Variants in ABCB1 observed in about 807,000 individuals in gnomAD.
The protein encoded by ABCB1 is ATP binding cassette subfamily B member 1.
In ABCB1, 69 loss-of-function variants were observed where a neutral mutation model predicts 142.0. That is an observed-to-expected ratio of 0.49 (90% CI 0.40 to 0.59). The LOEUF is 0.59. Ranked by LOEUF, ABCB1 falls within the 20% of genes least tolerant of loss-of-function variation. ABCB1 has a pLI of 0.00. For missense variants in ABCB1, 1,326 were observed against 1,554.7 expected (o/e 0.85, Z 2.47); for synonymous variants, 532 against 539.2 (o/e 0.99, Z 0.18).
chr7:87,654,360 G>C (rs1823873728), intron 1 of ABCB1, among the ~76,000 whole-genome samples: 2 of 151,898 alleles, frequency 1.3e-5, no homozygotes, highest in East Asian at 3.9e-4. Context: ...GTTAAAACAG[G>C]ATGTTACCAG....
intron 8 of ABCB1, among the ~76,000 whole-genome samples, chr7:87,559,442 T>C (rs1046788586): frequency 1.3e-5 from 2 of 152,074 alleles, no homozygotes; most frequent in African/African-American, 4.8e-5. Context: ...TCTTTTTTTG[T>C]TCCTGATTAA....
chr7:87,627,181 C>T (rs749139814), intron 1 of ABCB1, among the ~76,000 whole-genome samples: 4 of 152,028 alleles, frequency 2.6e-5, no homozygotes, highest in Non-Finnish European at 5.9e-5. Flanking sequence ...ACTTTAAAAA[C>T]CTCAGAAATT....
At chr7:87,514,777 G>T (rs1294545335) in intron 25 of ABCB1, among the ~76,000 whole-genome samples, 6 of 152,120 alleles carry the variant, frequency 3.9e-5, no homozygotes, top group Non-Finnish European at 8.8e-5. Flanking sequence ...TAAAATGTCA[G>T]AAATAGCCCA....
intron 1 of ABCB1, among the ~76,000 whole-genome samples, chr7:87,680,328 A>G (rs1330116539): frequency 6.6e-6 from 1 of 150,814 alleles, no homozygotes; most frequent in South Asian, 2.1e-4. Flanking sequence ...CTTGGATCAA[A>G]GAGGGATTCT....
Position 87,566,810 on chromosome 7 carries a change from C to T in ABCB1, c.505G>A (p.Gly169Arg). ...TCTGTAAGTCGGGTGTTAAGCTCCC[C>T]AACATCGTGCACATCAAACCAGCCT... ...EIGWFDVHDV[G>R]ELNTRLTDDV... Residue 169 changes from glycine (G) to arginine (R), a missense_variant, in exon 6 of 28, where the codon GGG (glycine) becomes AGG (arginine). Physicochemically the swap from Gly to Arg is moderately radical, Grantham distance 125. Coordinates refer to ENST00000622132, the MANE Select transcript of ABCB1 (RefSeq NM_001348946.2). The T allele has an allele frequency of 6.2e-7, 1 of 1,614,132 alleles. No homozygotes were observed. Among genetic ancestry groups the T allele is most frequent in the Non-Finnish European group, 8.5e-7 (1 of 1,180,030 alleles).
At chr7:87,585,808 A>C in intron 3 of ABCB1, 128 bp from the exon 4 acceptor site, 1 of 882,386 alleles carries the variant, frequency 1.1e-6, no homozygotes, top group Admixed American at 2.2e-5. Context: ...ACCTAGTCCA[A>C]GACACCCTCT....
At chr7:87,683,630 G>A (rs1181056361) in intron 1 of ABCB1, among the ~76,000 whole-genome samples, 3 of 152,148 alleles carry the variant, frequency 2.0e-5, no homozygotes, top group Non-Finnish European at 2.9e-5. Context: ...TTTTATACAG[G>A]TGTGGTTCAT....
chr7:87,539,608 CT>C (rs1166326657), intron 18 of ABCB1, among the ~76,000 whole-genome samples: 2 of 152,176 alleles, frequency 1.3e-5, no homozygotes, highest in Non-Finnish European at 2.9e-5. Flanking sequence ...GAGTTGGAAT[CT>C]TAATCCAGAT....
chr7:87,647,763 T>C (rs1823158581), intron 1 of ABCB1, among the ~76,000 whole-genome samples: 1 of 142,820 alleles, frequency 7.0e-6, no homozygotes. Context: ...CAAATACACA[T>C]CATGATCAGA....
upstream of ABCB1, among the ~76,000 whole-genome samples, chr7:87,604,298 A>C (rs145483298): frequency 6.6e-6 from 1 of 152,120 alleles, no homozygotes; most frequent in Non-Finnish European, 1.5e-5. Flanking sequence ...TTGAAGGTTC[A>C]ACATGCTTAA....
intron 25 of ABCB1, 146 bp from the exon 26 acceptor site, chr7:87,509,627 T>C: frequency 6.0e-6 from 5 of 831,842 alleles, no homozygotes; most frequent in East Asian, 2.6e-5. Context: ...ATAGTGAAGG[T>C]TAACCCAACA....
intron 21 of ABCB1, among the ~76,000 whole-genome samples, chr7:87,527,000 T>C (rs2117116656): frequency 6.6e-6 from 1 of 152,258 alleles, no homozygotes; most frequent in Non-Finnish European, 1.5e-5. Context: ...TTTTTTTTTC[T>C]AAAATAGGGC....
intron 3 of ABCB1, among the ~76,000 whole-genome samples, chr7:87,588,095 A>G (rs976420311): frequency 6.6e-6 from 1 of 152,054 alleles, no homozygotes; most frequent in African/African-American, 2.4e-5. Context: ...TAAAGTGAGT[A>G]CTAATTTTCC....
chr7:87,568,429 A>C (rs938367866), intron 5 of ABCB1, among the ~76,000 whole-genome samples: 1 of 151,618 alleles, frequency 6.6e-6, no homozygotes, highest in African/African-American at 2.4e-5. Context: ...AAAAAAATGC[A>C]AACAATTCTT....
chr7:87,608,589 C>T (rs1169903683), intron 1 of ABCB1, among the ~76,000 whole-genome samples: 1 of 152,148 alleles, frequency 6.6e-6, no homozygotes, highest in African/African-American at 2.4e-5. Context: ...CTGAGGAATT[C>T]CTGACATAAA....
rs1182483243 is a variant in ABCB1, at chr7:87,503,914, C to CT, written c.*328dup. 3.1e-5 allele frequency: 11 copies of CT among 354,842 alleles called. No individual in the cohort carries two copies. The highest frequency in any genetic ancestry group is 2.3e-4 in the African/African-American group (11 of 47,944). The allele number at this position is 354,842 out of a possible 1,614,324, so 22.0% of individuals were successfully genotyped here. ...GACACTTTATGCAAACATTTCAATA[C>CT]TTTTTGCTACTTCTATAATCTTTTA... On this transcript the variant is annotated 3_prime_UTR_variant, in exon 28 of 28. Transcript: ENST00000622132.
chr7:87,606,809 A>AATAT (rs1334944799), intron 1 of ABCB1, among the ~76,000 whole-genome samples: 1 of 152,000 alleles, frequency 6.6e-6, no homozygotes. Context: ...CCTATATTAA[A>AATAT]AGTGTATTAT....
chr7:87,678,759 GA>G (rs144663833), intron 1 of ABCB1, among the ~76,000 whole-genome samples: 3,921 of 152,062 alleles, frequency 0.026, 165 homozygotes, highest in African/African-American at 0.089. Context: ...GAAAGTAATT[GA>G]AAAAAAGTTG....
chr7:87,618,759 C>T (rs1820118262), intron 1 of ABCB1, among the ~76,000 whole-genome samples: 2 of 152,274 alleles, frequency 1.3e-5, no homozygotes, highest in South Asian at 4.2e-4. Context: ...AATCTAATCA[C>T]ATGAGCCCTT....
Sources: gnomAD v4.1 joint callset for allele counts (sites outside exome capture counted in the v4.1 genomes callset) on GRCh38, gnomAD v4.1.1 for gene constraint, MANE v1.5 for transcripts, NCBI Gene and HGNC (gene_info 2026-07-23, HGNC 2026-07-21) for gene names.